HRH2: variants seen among roughly 807,000 people sequenced by gnomAD.
HRH2 encodes histamine H2 receptor.
A neutral mutation model predicts 20.1 loss-of-function variants in HRH2; 4 were observed. That is an observed-to-expected ratio of 0.20 (90% CI 0.10 to 0.45). The LOEUF (loss-of-function observed/expected upper bound fraction) is 0.45, where lower values mean the gene tolerates loss of function less well. Among genes scored for constraint, HRH2 ranks in the 20% least tolerant of loss-of-function variants. The probability of loss-of-function intolerance (pLI) is 0.99; values close to 1 mark genes in which losing one functional copy is unlikely to be tolerated. For synonymous variants in HRH2, 197 were observed against 200.7 expected (o/e 0.98, Z 0.16); for missense variants, 250 against 461.6 (o/e 0.54, Z 4.20).
At chr5:175,682,441 CCTT>C (rs1756017581) in intron 1 of HRH2, among the ~76,000 whole-genome samples, 1 of 152,138 alleles carries the variant, frequency 6.6e-6, no homozygotes, top group Non-Finnish European at 1.5e-5. Flanking sequence ...GTGTCTAGAT[CCTT>C]CTTTTCTCAG....
chr5:175,692,935 C>T (rs555491062), intron 2 of HRH2, among the ~76,000 whole-genome samples: 2 of 152,280 alleles, frequency 1.3e-5, no homozygotes, highest in Non-Finnish European at 2.9e-5. Flanking sequence ...GTCCGTGTCA[C>T]GACTTGAGTT....
chr5:175,706,120 A>C (rs1193210356), intron 2 of HRH2, among the ~76,000 whole-genome samples: 4 of 152,252 alleles, frequency 2.6e-5, no homozygotes, highest in Non-Finnish European at 5.9e-5. Context: ...AAATACAGGT[A>C]GAACAACACG....
intron 1 of HRH2, among the ~76,000 whole-genome samples, chr5:175,664,999 T>G (rs1003679676): frequency 6.6e-6 from 1 of 152,172 alleles, no homozygotes; most frequent in Non-Finnish European, 1.5e-5. Context: ...TAAAATGCCT[T>G]TTCTCCAGAC....
At chr5:175,668,082 T>C (rs916458591) in intron 1 of HRH2, among the ~76,000 whole-genome samples, 2 of 152,188 alleles carry the variant, frequency 1.3e-5, no homozygotes, top group Admixed American at 1.3e-4. Flanking sequence ...GGCCAGGTGC[T>C]GAAAAGCCAT....
intron 2 of HRH2, among the ~76,000 whole-genome samples, chr5:175,699,477 A>G (rs1449083122): frequency 1.3e-5 from 2 of 152,092 alleles, no homozygotes; most frequent in Non-Finnish European, 2.9e-5. Flanking sequence ...TGCAGGTGAA[A>G]CTGACGCTCT....
chr5:175,672,996 G>A (rs1225336264), intron 1 of HRH2, among the ~76,000 whole-genome samples: 1 of 152,080 alleles, frequency 6.6e-6, no homozygotes, highest in Non-Finnish European at 1.5e-5. Flanking sequence ...CTGAGGCCTC[G>A]GGTGGTAAAA....
At chr5:175,666,307 G>T (rs1016817816) in intron 1 of HRH2, among the ~76,000 whole-genome samples, 20 of 152,166 alleles carry the variant, frequency 1.3e-4, no homozygotes, top group African/African-American at 3.6e-4. Context: ...GGGCGTCATT[G>T]GGCTCTCTGG....
Position 175,709,843 on chromosome 5 carries a change from C to G in HRH2, c.*1872C>G, listed in dbSNP as rs1256833148. 1 of 152,452 alleles carries G rather than the reference C, an allele frequency of 6.6e-6. No individual in the cohort carries two copies. Among genetic ancestry groups the G allele is most frequent in the Non-Finnish European group, 1.5e-5 (1 of 68,244 alleles). The allele number at this position is 152,452 out of a possible 1,614,324, so 9.4% of individuals were successfully genotyped here. On this transcript the variant is annotated 3_prime_UTR_variant, in exon 3 of 3. Transcript: ENST00000636584. The stretch of plus-strand genomic sequence containing the variant: ...ATGCCACACAGGTAGATAAAACCAT[C>G]TTCAGCCCAGCCCTCAGGCCCTGTG...
In HRH2 at chr5:175,681,659, G is replaced by C. The variant is rs992199488; in HGVS notation, c.-525-1050G>C. ...CACATGCAGTTACTTTATTGACGTA[G>C]TGTTTGCACTACTTCAATAGTGCAA... On this transcript the variant is annotated intron_variant, in intron 1 of 2. Transcript: ENST00000636584. The surrounding 1 kb of genome is among the most constrained non-coding windows in gnomAD (Gnocchi z 4.3). Among the ~76,000 whole-genome samples, 2 of 152,234 alleles carry C rather than the reference G, an allele frequency of 1.3e-5. No homozygotes were observed. The highest frequency in any genetic ancestry group is 2.9e-5 in the Non-Finnish European group (2 of 68,042).
At chr5:175,699,731 G>A (rs913816603) in intron 2 of HRH2, among the ~76,000 whole-genome samples, 3 of 151,938 alleles carry the variant, frequency 2.0e-5, no homozygotes, top group Admixed American at 6.6e-5. Context: ...CCACCACCAC[G>A]CCCGGCTAAT....
At chr5:175,661,507 G>GT (rs1341683430) in intron 1 of HRH2, among the ~76,000 whole-genome samples, 3 of 152,202 alleles carry the variant, frequency 2.0e-5, no homozygotes, top group African/African-American at 7.2e-5. Flanking sequence ...CACTTGCCCA[G>GT]TATCTAACAG....
chr5:175,676,966 G>C (rs1253123293), intron 1 of HRH2, among the ~76,000 whole-genome samples: 1 of 152,164 alleles, frequency 6.6e-6, no homozygotes, highest in Non-Finnish European at 1.5e-5. Flanking sequence ...GTATACCACT[G>C]TTTCTGTTTC....
chr5:175,683,869 G>A lies in HRH2; in HGVS notation c.636G>A (p.Gln212=). Residue 212 remains glutamine, a synonymous_variant, in exon 2 of 3, where the codon CAG becomes CAA. Transcript: ENST00000636584. ...GCATCTTCAAGGTCGCCCGGGATCAGGCCAAGAGGATCAATCACATTAGCT... is the reference window on the plus strand; with the variant it reads ...GCATCTTCAAGGTCGCCCGGGATCAAGCCAAGAGGATCAATCACATTAGCT... ...YYRIFKVARD[Q]AKRINHISSW... 2 of 1,614,190 alleles carry A rather than the reference G, an allele frequency of 1.2e-6. No individual in the cohort carries two copies. The highest frequency in any genetic ancestry group is 1.7e-6 in the Non-Finnish European group (2 of 1,180,050).
chr5:175,659,835 G>A (rs1051132787), intron 1 of HRH2, among the ~76,000 whole-genome samples: 1 of 152,226 alleles, frequency 6.6e-6, no homozygotes, highest in Non-Finnish European at 1.5e-5. Flanking sequence ...AAGCCTGGCA[G>A]CAGGGTTGGG....
At chr5:175,674,865 G>A (rs1755702089) in intron 1 of HRH2, among the ~76,000 whole-genome samples, 2 of 152,244 alleles carry the variant, frequency 1.3e-5, no homozygotes, top group Admixed American at 1.3e-4. Flanking sequence ...CTGCCAGGAA[G>A]GAGTTAGACA....
Position 175,684,171 on chromosome 5 carries a change from A to T in HRH2, c.938A>T (p.His313Leu). Residue 313 changes from histidine to leucine, a missense_variant, in exon 2 of 3, where the codon CAC (histidine) becomes CTC (leucine). This residue lies in a region of HRH2 where 55 missense variants were observed against 66.9 expected (regional missense o/e 0.82). Coordinates refer to ENST00000636584, the MANE Select transcript of HRH2 (RefSeq NM_001367711.1). The stretch of plus-strand genomic sequence containing the variant: ...TGCAGGCTGGCCAACCGCAACTCCC[A>T]CAAAACTTCTCTGAGGTCCAACGCC... ...FCCRLANRNS[H>L]KTSLRSNASQ... 3 of 1,614,146 alleles carry T rather than the reference A, an allele frequency of 1.9e-6. No homozygotes were observed. Among genetic ancestry groups the T allele is most frequent in the Non-Finnish European group, 2.5e-6 (3 of 1,180,028 alleles).
Position 175,708,996 on chromosome 5 carries a change from A to T in HRH2, c.*1025A>T, listed in dbSNP as rs1398005484. ...TTGGGCACGTCTCCTGACCACTCTA[A>T]GCAGCTTTTGATTCCCCTGTCCAAG... is the stretch of plus-strand genomic sequence containing the variant. On this transcript the variant is annotated 3_prime_UTR_variant, in exon 3 of 3. Transcript: ENST00000636584. The T allele has an allele frequency of 6.6e-6, 1 of 152,086 alleles. No homozygotes were observed. The highest frequency in any genetic ancestry group is 6.5e-5 in the Admixed American group (1 of 15,276). The allele number at this position is 152,086 out of a possible 1,614,324, so 9.4% of individuals were successfully genotyped here.
intron 2 of HRH2, among the ~76,000 whole-genome samples, chr5:175,703,097 T>C (rs956268043): frequency 6.6e-6 from 1 of 152,204 alleles, no homozygotes; most frequent in Non-Finnish European, 1.5e-5. Context: ...TAATTAATAT[T>C]TGGGAAACAC....
intron 1 of HRH2, among the ~76,000 whole-genome samples, chr5:175,662,343 G>A (rs1581401854): frequency 1.3e-5 from 2 of 152,190 alleles, no homozygotes; most frequent in Non-Finnish European, 2.9e-5. Flanking sequence ...TGGGGAGGGG[G>A]AGTGCTGGCG....
Sources: gnomAD v4.1 joint callset for allele counts (sites outside exome capture counted in the v4.1 genomes callset) on GRCh38, gnomAD v4.1.1 for gene constraint, gnomAD v4.1.1 regional missense constraint, Gnocchi (gnomAD v3.1) non-coding constraint, MANE v1.5 for transcripts, NCBI Gene and HGNC (gene_info 2026-07-23, HGNC 2026-07-21) for gene names.